ARSJ: variants seen among roughly 807,000 people sequenced by gnomAD.
ARSJ encodes the protein arylsulfatase J.
Under a neutral mutation model 35.9 loss-of-function variants are expected in ARSJ, and 26 were observed. The observed-to-expected ratio is 0.72, with a 90% confidence interval of 0.53 to 1.00. The LOEUF (loss-of-function observed/expected upper bound fraction) is 1.00. Among genes scored for constraint, ARSJ ranks in the 50% least tolerant of loss-of-function variants. ARSJ has a pLI of 0.00. For synonymous variants in ARSJ, 294 were observed against 267.6 expected, an observed-to-expected ratio of 1.10 and a Z score of -0.96; for missense variants, 667 against 723.6, an observed-to-expected ratio of 0.92 and a Z score of 0.90.
intron 1 of ARSJ, among the ~76,000 whole-genome samples, chr4:113,929,806 A>G (rs1409364922): frequency 3.9e-5 from 6 of 152,084 alleles, no homozygotes; most frequent in African/African-American, 1.4e-4. Flanking sequence ...CAGTTTTTCA[A>G]CGGAACTTAG....
intron 1 of ARSJ, among the ~76,000 whole-genome samples, chr4:113,952,804 G>A (rs1725945382): frequency 6.6e-6 from 1 of 152,050 alleles, no homozygotes; most frequent in South Asian, 2.1e-4. Flanking sequence ...ATAGAGCTGG[G>A]ACGCAATCAA....
Position 113,903,351 on chromosome 4 carries a change from C to T in ARSJ, c.723G>A (p.Met241Ile). ...DYDNGIYSTQ[M>I]YTQRVQQILA... ...AGATTTGCTGTACTCTCTGAGTGTACATCTGTGTGGAGTATATGCCATTGT... is the reference window on the plus strand; with the variant it reads ...AGATTTGCTGTACTCTCTGAGTGTATATCTGTGTGGAGTATATGCCATTGT... The change falls in exon 2 of 2, where the codon ATG becomes ATA. Residue 241 changes from methionine (M) to isoleucine (I), a missense_variant. Physicochemically the swap from Met to Ile is conservative, Grantham distance 10. Transcript: ENST00000315366. 1 of 1,614,128 alleles carries T rather than the reference C, an allele frequency of 6.2e-7. No homozygotes were observed. The highest frequency in any genetic ancestry group is 8.5e-7 in the Non-Finnish European group (1 of 1,180,024).
chr4:113,974,861 T>C (rs1056676990), intron 1 of ARSJ, among the ~76,000 whole-genome samples: 1 of 152,166 alleles, frequency 6.6e-6, no homozygotes, highest in Non-Finnish European at 1.5e-5. Context: ...ACAAAAAACA[T>C]ATACAAGTAT....
rs1446897413 is a variant in ARSJ, at chr4:113,924,074, T to TAA, written c.399-20401_399-20400dup. Among the ~76,000 whole-genome samples, 202 of 109,290 alleles carry TAA rather than the reference T, an allele frequency of 1.8e-3. 5 individuals carry two copies. The highest frequency in any genetic ancestry group is 3.1e-3 in the African/African-American group (72 of 23,542). 71.7% of individuals were successfully genotyped at this position (109,290 alleles called of 152,430 possible). ...ATATATAAATATATATAAATATATATAAATATATATATATATATATATATA... is the reference window on the plus strand; with the variant it reads ...ATATATAAATATATATAAATATATATAAAAATATATATATATATATATATATA... On this transcript the variant is annotated intron_variant, in intron 1 of 1. Coordinates refer to ENST00000315366, the MANE Select transcript of ARSJ (RefSeq NM_024590.4).
chr4:113,978,012 A>C (rs1727695713), intron 1 of ARSJ, among the ~76,000 whole-genome samples: 1 of 152,188 alleles, frequency 6.6e-6, no homozygotes, highest in African/African-American at 2.4e-5. Flanking sequence ...TGATAATTCT[A>C]GATTTAAGAA....
intron 1 of ARSJ, among the ~76,000 whole-genome samples, chr4:113,948,241 G>A (rs1250675879): frequency 1.3e-5 from 2 of 152,054 alleles, no homozygotes; most frequent in African/African-American, 2.4e-5. Flanking sequence ...TAGTGGGCTT[G>A]TGAGTTATTT....
intron 1 of ARSJ, among the ~76,000 whole-genome samples, chr4:113,924,203 C>T (rs1426056360): frequency 6.6e-6 from 1 of 150,568 alleles, no homozygotes; most frequent in Non-Finnish European, 1.5e-5. Flanking sequence ...CAAGGACAGC[C>T]AGTCAGAGTC....
At chr4:113,931,280 G>T (rs1334023451) in intron 1 of ARSJ, among the ~76,000 whole-genome samples, 1 of 152,006 alleles carries the variant, frequency 6.6e-6, no homozygotes, top group Non-Finnish European at 1.5e-5. Context: ...TAAGCAAGAA[G>T]AAAAACAAGA....
In ARSJ at chr4:113,901,157, G is replaced by C. The variant is rs780873662; in HGVS notation, c.*1117C>G. 1 of 152,060 alleles carries C rather than the reference G, an allele frequency of 6.6e-6. No homozygotes were observed. Among genetic ancestry groups the C allele is most frequent in the Non-Finnish European group, 1.5e-5 (1 of 68,006 alleles). The allele number at this position is 152,060 out of a possible 1,614,324, so 9.4% of individuals were successfully genotyped here. A position where few individuals can be genotyped will look rare whatever the true frequency, so the allele number is the denominator to read the frequency against. ...ATGATACAATTTTAGCTAGAAGTTA[G>C]ATCAGAAAAGCCACAGTAAATTTTC... On this transcript the variant is annotated 3_prime_UTR_variant, in exon 2 of 2. Transcript: ENST00000315366.
chr4:113,968,904 G>T (rs925413525), intron 1 of ARSJ, among the ~76,000 whole-genome samples: 2 of 152,092 alleles, frequency 1.3e-5, no homozygotes, highest in Non-Finnish European at 2.9e-5. Flanking sequence ...TGATAATAGA[G>T]CACAGATGTC....
chr4:113,960,723 G>A (rs780239259), intron 1 of ARSJ, among the ~76,000 whole-genome samples: 1 of 151,918 alleles, frequency 6.6e-6, no homozygotes, highest in South Asian at 2.1e-4. Flanking sequence ...TTACTTATTT[G>A]TAGCATTAAG....
At position 113,902,337 on chromosome 4, in the gene ARSJ, CT is replaced by C. The variant is rs753865255; in HGVS notation, c.1736del (p.Lys579ArgfsTer30). 2.5e-6 allele frequency: 4 copies of C among 1,612,984 alleles called. No homozygotes were observed. Among genetic ancestry groups the C allele is most frequent in the South Asian group, 2.2e-5 (2 of 90,972 alleles). On this transcript the variant is annotated frameshift_variant, in exon 2 of 2. Coordinates refer to ENST00000315366, the MANE Select transcript of ARSJ (RefSeq NM_024590.4). LOFTEE classifies it low-confidence loss of function (END_TRUNC). ...AGACTGCTTTCTGCTGTTTCTTCTT[CT>C]TTTTTTTGCTTTTCTTTTGCTTTTT... ...AEKKQKKSKK[K>X]KKKQQKAVSG...
intron 1 of ARSJ, among the ~76,000 whole-genome samples, chr4:113,915,695 C>T (rs1723249455): frequency 6.6e-6 from 1 of 152,086 alleles, no homozygotes; most frequent in South Asian, 2.1e-4. Flanking sequence ...CTTGAAATAC[C>T]TCCAGGATGA....
chr4:113,914,440 T>C (rs1723151579), intron 1 of ARSJ, among the ~76,000 whole-genome samples: 1 of 150,806 alleles, frequency 6.6e-6, no homozygotes, highest in Non-Finnish European at 1.5e-5. Flanking sequence ...AAGTTTCATA[T>C]TTATATTCAC....
chr4:113,921,281 C>T (rs367557691), intron 1 of ARSJ, among the ~76,000 whole-genome samples: 1 of 152,060 alleles, frequency 6.6e-6, no homozygotes. Flanking sequence ...CTGAGTATTA[C>T]TCATTTCAGT....
At chr4:113,911,463 T>A (rs2099670428) in intron 1 of ARSJ, among the ~76,000 whole-genome samples, 1 of 152,120 alleles carries the variant, frequency 6.6e-6, no homozygotes, top group African/African-American at 2.4e-5. Flanking sequence ...CAGGGAGAAG[T>A]GGCCTAATCT....
chr4:113,946,992 A>G (rs1320350694), intron 1 of ARSJ, among the ~76,000 whole-genome samples: 1 of 152,138 alleles, frequency 6.6e-6, no homozygotes, highest in Non-Finnish European at 1.5e-5. Context: ...GGCATCAGCA[A>G]AATGAAGTGG....
intron 1 of ARSJ, among the ~76,000 whole-genome samples, chr4:113,921,439 T>G (rs1461966758): frequency 6.6e-6 from 1 of 152,120 alleles, no homozygotes; most frequent in Non-Finnish European, 1.5e-5. Context: ...AGCTTTTCTG[T>G]TTTAACGTTG....
intron 1 of ARSJ, among the ~76,000 whole-genome samples, chr4:113,940,398 C>A (rs1725074168): frequency 6.6e-6 from 1 of 152,064 alleles, no homozygotes; most frequent in African/African-American, 2.4e-5. Context: ...GGCAGAAAAC[C>A]AAACAGTGCA....
Sources: gnomAD v4.1 joint callset for allele counts (sites outside exome capture counted in the v4.1 genomes callset) on GRCh38, gnomAD v4.1.1 for gene constraint, MANE v1.5 for transcripts, NCBI Gene and HGNC (gene_info 2026-07-23, HGNC 2026-07-21) for gene names.